The following PVR variants were observed in gnomAD, a reference collection of about 807,000 sequenced individuals.
The protein encoded by PVR is PVR cell adhesion molecule.
A neutral mutation model predicts 43.3 loss-of-function variants in PVR; 39 were observed. That is an observed-to-expected ratio of 0.90 (90% CI 0.70 to 1.18). PVR has a LOEUF of 1.18. Among genes scored for constraint, PVR ranks in the 50% most tolerant of loss-of-function variants. The pLI is 0.00. For missense variants in PVR, 480 were observed against 549.7 expected (o/e 0.87, Z 1.27); for synonymous variants, 224 against 233.2 (o/e 0.96, Z 0.36).
At position 44,657,852 on chromosome 19, in the gene PVR, C is replaced by T. The variant is rs555430042; in HGVS notation, c.933C>T (p.Ile311=). Residue 311 remains isoleucine, a synonymous_variant, in exon 5 of 8, where the codon ATC becomes ATT. Coordinates refer to ENST00000425690, the MANE Select transcript of PVR (RefSeq NM_006505.5). ...PVDKPINTTL[I]CNVTNALGAR... is the part of the protein sequence containing the mutation. Reference sequence around the variant, plus strand: ...ACAAACCAATCAACACAACTTTAATCTGCAACGTCACCAATGCCCTAGGAG... The same window carrying T: ...ACAAACCAATCAACACAACTTTAATTTGCAACGTCACCAATGCCCTAGGAG... The T allele has an allele frequency of 1.8e-5, 29 of 1,614,010 alleles. No homozygotes were observed. In the South Asian group the frequency reaches 2.7e-4, roughly 15 times the overall value.
intron 2 of PVR, among the ~76,000 whole-genome samples, chr19:44,648,273 T>C (rs1480515900): frequency 2.6e-5 from 4 of 152,132 alleles, no homozygotes; most frequent in African/African-American, 7.2e-5. Context: ...CTTAGAGCTG[T>C]CGGTTACTGT....
chr19:44,653,769 T>G lies in PVR; in HGVS notation c.725-131T>G, dbSNP rs137873850. The G allele has an allele frequency of 1.8e-3, 1,264 of 701,468 alleles. 8 individuals are homozygous for G. The highest frequency in any genetic ancestry group is 0.013 in the African/African-American group (729 of 56,938). The allele number at this position is 701,468 out of a possible 1,614,324, so 43.5% of individuals were successfully genotyped here. On this transcript the variant is annotated intron_variant, in intron 3 of 7. Coordinates refer to ENST00000425690, the MANE Select transcript of PVR (RefSeq NM_006505.5). ...GTGGCACCCCATCTACCTAGACTCC[T>G]CCTAGGCCTCTCCAGCTCCCGCTGT...
intron 2 of PVR, among the ~76,000 whole-genome samples, chr19:44,648,924 G>T (rs1305409784): frequency 6.6e-6 from 1 of 152,192 alleles, no homozygotes; most frequent in Non-Finnish European, 1.5e-5. Flanking sequence ...GAAGTTCCAG[G>T]TTTGGGAATC....
At chr19:44,645,605 A>T (rs1973095894) in intron 1 of PVR, among the ~76,000 whole-genome samples, 1 of 150,510 alleles carries the variant, frequency 6.6e-6, no homozygotes, top group Non-Finnish European at 1.5e-5. Context: ...CTGGGATTAT[A>T]GGTGCTCACC....
rs771031338 is a variant in PVR at position 44,650,120 on chromosome 19, G to T, written c.724+15G>T. ...CACCGTGTACTGTGAGTGTGCCCAA[G>T]TCAGCGATGGCAAGAACCCCTGCCG... On this transcript the variant is annotated intron_variant, in intron 3 of 7. Transcript: ENST00000425690. 6.6e-7 allele frequency: 1 copy of T among 1,509,866 alleles called. No individual in the cohort carries two copies. Among genetic ancestry groups the T allele is most frequent in the Non-Finnish European group, 8.9e-7 (1 of 1,128,608 alleles). The allele number at this position is 1,509,866 out of a possible 1,614,324, so 93.5% of individuals were successfully genotyped here.
chr19:44,661,776 T>C lies in PVR; in HGVS notation c.1219T>C (p.Ser407Pro), dbSNP rs1223810123. 1 of 1,613,864 alleles carries C rather than the reference T, an allele frequency of 6.2e-7. No homozygotes were observed. Among genetic ancestry groups the C allele is most frequent in the African/African-American group, 1.3e-5 (1 of 74,894 alleles). The change falls in exon 8 of 8, where the codon TCT (serine) becomes CCT (proline). Residue 407 changes from serine to proline, a missense_variant. By Grantham distance (74) the Ser-to-Pro change is moderately conservative. Transcript: ENST00000425690. ...SYSAVSRENS[S>P]SQDPQTEGTR is the part of the protein sequence containing the mutation. The stretch of plus-strand genomic sequence containing the variant: ...TTCAGCTGTGAGCAGAGAGAACAGC[T>C]CTTCCCAGGATCCACAGACAGAGGG...
chr19:44,659,288 G>A (rs1321866841), intron 6 of PVR, among the ~76,000 whole-genome samples: 3 of 152,180 alleles, frequency 2.0e-5, no homozygotes, highest in Middle Eastern at 3.4e-3. Flanking sequence ...CTCTAAAAGG[G>A]TCTGATGCTT....
chr19:44,657,820 C>T lies in PVR; in HGVS notation c.901C>T (p.Pro301Ser). The change falls in exon 5 of 8, where the codon CCT (proline) becomes TCT (serine). Residue 301 changes from proline to serine, a missense_variant. Coordinates refer to ENST00000425690, the MANE Select transcript of PVR (RefSeq NM_006505.5). ...VAQGAQLLIR[P>S]VDKPINTTLI... ...CCAGGGCGCCCAGCTCCTGATCCGT[C>T]CTGTGGACAAACCAATCAACACAAC... 1 of 1,614,086 alleles carries T rather than the reference C, an allele frequency of 6.2e-7. No individual in the cohort carries two copies. The highest frequency in any genetic ancestry group is 1.6e-4 in the Middle Eastern group (1 of 6,062).
At chr19:44,648,796 T>A (rs990296713) in intron 2 of PVR, among the ~76,000 whole-genome samples, 2 of 152,172 alleles carry the variant, frequency 1.3e-5, no homozygotes, top group Admixed American at 1.3e-4. Flanking sequence ...AGGCAGCTGT[T>A]GTCACTCCAG....
intron 4 of PVR, among the ~76,000 whole-genome samples, chr19:44,654,961 G>A (rs1356583497): frequency 6.6e-6 from 1 of 152,046 alleles, no homozygotes; most frequent in Non-Finnish European, 1.5e-5. Context: ...AGAAAGTTGA[G>A]GCTCACAGCA....
intron 4 of PVR, 25 bp from the exon 5 acceptor site, chr19:44,657,737 C>T: frequency 2.5e-6 from 4 of 1,613,420 alleles, no homozygotes; most frequent in Non-Finnish European, 3.4e-6. Flanking sequence ...CAGAGGCCAC[C>T]TCCTCACCTT....
At chr19:44,644,997 A>G (rs1227286290) in intron 1 of PVR, among the ~76,000 whole-genome samples, 1 of 116,154 alleles carries the variant, frequency 8.6e-6, no homozygotes, top group Non-Finnish European at 1.7e-5. Context: ...TTATAGTAAT[A>G]TATAATAAAA....
Position 44,654,074 on chromosome 19 carries a change from G to A in PVR, c.842+57G>A, listed in dbSNP as rs1054448379. ...GGGGTCTGGATTTCTAGCACTGAGG[G>A]AGGAGGGGCTGGGGGCCTGGACTCC... On this transcript the variant is annotated intron_variant, in intron 4 of 7. Transcript: ENST00000425690. 3.6e-6 allele frequency: 5 copies of A among 1,400,958 alleles called. No individual in the cohort carries two copies. The South Asian group carries it at 5.8e-5, about 16-fold the overall frequency. The allele number at this position is 1,400,958 out of a possible 1,614,324, so 86.8% of individuals were successfully genotyped here.
chr19:44,648,769 A>C (rs1340828810), intron 2 of PVR, among the ~76,000 whole-genome samples: 1 of 152,206 alleles, frequency 6.6e-6, no homozygotes. Context: ...TGTGCCTAGC[A>C]CACAACACCC....
chr19:44,660,713 G>A (rs969865041), intron 6 of PVR, among the ~76,000 whole-genome samples: 1 of 151,896 alleles, frequency 6.6e-6, no homozygotes, highest in Non-Finnish European at 1.5e-5. Flanking sequence ...TAGTAGAGAT[G>A]GAGTTTCGTT....
At chr19:44,645,733 G>A (rs188394115) in intron 1 of PVR, among the ~76,000 whole-genome samples, 1 of 151,656 alleles carries the variant, frequency 6.6e-6, no homozygotes, top group South Asian at 2.1e-4. Flanking sequence ...GGCTGTGGTG[G>A]GAGGATCACT....
intron 3 of PVR, among the ~76,000 whole-genome samples, chr19:44,651,465 C>T (rs1973278282): frequency 6.6e-6 from 1 of 152,216 alleles, no homozygotes. Context: ...CCCTGAGCCA[C>T]GATCAACTGT....
At chr19:44,646,802 G>A (rs1184122197) in intron 1 of PVR, among the ~76,000 whole-genome samples, 2 of 152,022 alleles carry the variant, frequency 1.3e-5, no homozygotes, top group African/African-American at 2.4e-5. Context: ...AAAAAGTTCT[G>A]GCGCTATATA....
chr19:44,655,228 G>C (rs538580105), intron 4 of PVR, among the ~76,000 whole-genome samples: 127 of 152,080 alleles, frequency 8.4e-4, no homozygotes, highest in Middle Eastern at 3.4e-3. Context: ...GGGACTACAG[G>C]CACACGCCAC....
Sources: gnomAD v4.1 joint callset for allele counts (sites outside exome capture counted in the v4.1 genomes callset) on GRCh38, gnomAD v4.1.1 for gene constraint, MANE v1.5 for transcripts, NCBI Gene and HGNC (gene_info 2026-07-23, HGNC 2026-07-21) for gene names.